Variants in GPATCH2L observed in about 807,000 individuals in gnomAD.
The protein encoded by GPATCH2L is G-patch domain containing 2 like, also known as G patch domain-containing protein 2-like.
A neutral mutation model predicts 57.4 loss-of-function variants in GPATCH2L; 31 were observed. The observed-to-expected ratio is 0.54, with a 90% CI of 0.41 to 0.73. The LOEUF is 0.73. Ranked by LOEUF, GPATCH2L falls within the 30% of genes least tolerant of loss-of-function variation. The pLI, the probability that GPATCH2L is intolerant of heterozygous loss-of-function variation, is 0.00. For synonymous variants in GPATCH2L, 199 were observed against 210.7 expected (o/e 0.94, Z 0.48); for missense variants, 481 against 599.9 (o/e 0.80, Z 2.07).
At chr14:76,184,200 T>A (rs1466835368) in intron 8 of GPATCH2L, among the ~76,000 whole-genome samples, 1 of 152,168 alleles carries the variant, frequency 6.6e-6, no homozygotes, top group African/African-American at 2.4e-5. Flanking sequence ...CCAGGCTGTT[T>A]TTCCTCTTCA....
intron 9 of GPATCH2L, among the ~76,000 whole-genome samples, chr14:76,199,312 T>TA (rs1645826696): frequency 6.6e-6 from 1 of 152,160 alleles, no homozygotes; most frequent in Admixed American, 6.5e-5. Context: ...TTAGCAGACA[T>TA]ATGTATCTTC....
In GPATCH2L at chr14:76,221,474, C is replaced by A. The variant is rs115827225; in HGVS notation, c.66-8334C>A. 7.9e-3 allele frequency among the ~76,000 whole-genome samples: 1,199 copies of A among 152,270 alleles called. 18 individuals are homozygous for A. The highest frequency in any genetic ancestry group is 0.027 in the African/African-American group (1,134 of 41,550). On this transcript the variant is annotated intron_variant and NMD_transcript_variant, in intron 1 of 3. Transcript: ENST00000556372. ...CAAAACTAAGCATGCTCTTACCATA[C>A]AATCTAGCAATGATGCTTCCTGGTA...
At chr14:76,223,440 A>G (rs889224479) in intron 1 of GPATCH2L, among the ~76,000 whole-genome samples, 4 of 151,958 alleles carry the variant, frequency 2.6e-5, no homozygotes, top group Admixed American at 2.0e-4. Flanking sequence ...CTAAAAACAT[A>G]TCAAAGACCT....
At chr14:76,179,020 C>T (rs1325105722) in intron 7 of GPATCH2L, 2 of 150,426 alleles carry the variant, frequency 1.3e-5, no homozygotes, top group Non-Finnish European at 2.9e-5. Context: ...TGAACACTGA[C>T]AGGTGAAAAG....
chr14:76,216,734 A>T (rs563322335), downstream of GPATCH2L, among the ~76,000 whole-genome samples: 124 of 152,258 alleles, frequency 8.1e-4, no homozygotes, highest in Non-Finnish European at 1.2e-3. Flanking sequence ...GCCCGAGGAA[A>T]ACCTTTTAAG....
At chr14:76,191,605 C>G (rs1252928284) in intron 8 of GPATCH2L, among the ~76,000 whole-genome samples, 1 of 152,074 alleles carries the variant, frequency 6.6e-6, no homozygotes, top group African/African-American at 2.4e-5. Flanking sequence ...CTTCTTTTCC[C>G]CAGGCTTGTT....
intron 2 of GPATCH2L, among the ~76,000 whole-genome samples, chr14:76,155,449 T>C (rs1358725975): frequency 6.6e-6 from 1 of 152,238 alleles, no homozygotes; most frequent in Non-Finnish European, 1.5e-5. Context: ...TTAAGTTGCC[T>C]GTCCTCATTA....
intron 4 of GPATCH2L, 58 bp downstream of exon 4, chr14:76,172,077 A>T: frequency 1.8e-6 from 2 of 1,101,318 alleles, no homozygotes; most frequent in South Asian, 3.4e-5. Context: ...GGGCAGAGCA[A>T]TCACCCCCTA....
At chr14:76,233,397 A>AT (rs1173965412) in intron 2 of GPATCH2L, among the ~76,000 whole-genome samples, 2 of 152,192 alleles carry the variant, frequency 1.3e-5, no homozygotes, top group East Asian at 3.8e-4. Flanking sequence ...AATGATTGTC[A>AT]TTTGCCTTTC....
In GPATCH2L at chr14:76,199,337, CCA is replaced by C. The variant is rs2040247178; in HGVS notation, c.1289-2353_1289-2352del. Among the ~76,000 whole-genome samples, 12 of 151,758 alleles carry C rather than the reference CCA, an allele frequency of 7.9e-5. No homozygotes were observed. The South Asian group carries it at 2.5e-3, about 32-fold the overall frequency. On this transcript the variant is annotated intron_variant, in intron 9 of 9. Transcript: ENST00000261530. ...TATGTATCTTCAAGCAATACATTGTCCAGTTTTGTGTTTTTGAACCTTGTGTA... is the reference window on the plus strand; with the variant it reads ...TATGTATCTTCAAGCAATACATTGTCGTTTTGTGTTTTTGAACCTTGTGTA...
chr14:76,197,255 TCA>T (rs2040181777), intron 9 of GPATCH2L, among the ~76,000 whole-genome samples: 1 of 152,184 alleles, frequency 6.6e-6, no homozygotes, highest in Non-Finnish European at 1.5e-5. Flanking sequence ...ACTCAGATCC[TCA>T]TTCAGTCTAT....
rs536403850 is a variant in GPATCH2L, at chr14:76,181,858, A to G, written c.1193+1009A>G. Reference sequence around the variant, plus strand: ...TTCTGATGACTCTTTTTTATTCCTAATAAGTTCTTAAATGGTTATGTTCAT... The same window carrying G: ...TTCTGATGACTCTTTTTTATTCCTAGTAAGTTCTTAAATGGTTATGTTCAT... On this transcript the variant is annotated intron_variant, in intron 8 of 9. Transcript: ENST00000261530. Among the ~76,000 whole-genome samples, 7 of 152,274 alleles carry G rather than the reference A, an allele frequency of 4.6e-5. No homozygotes were observed. The South Asian group carries it at 6.2e-4, about 14-fold the overall frequency.
chr14:76,186,142 T>TG (rs1209178038), intron 8 of GPATCH2L, among the ~76,000 whole-genome samples: 3 of 152,110 alleles, frequency 2.0e-5, no homozygotes, highest in Admixed American at 1.3e-4. Context: ...TTTAAAAACT[T>TG]TGAGTTGGCT....
intron 7 of GPATCH2L, among the ~76,000 whole-genome samples, chr14:76,180,551 G>A (rs1375867291): frequency 6.6e-6 from 1 of 152,122 alleles, no homozygotes; most frequent in Non-Finnish European, 1.5e-5. Flanking sequence ...TGTTTAATAA[G>A]GAATAGCTTT....
chr14:76,192,056 T>C (rs1327678605), intron 8 of GPATCH2L, among the ~76,000 whole-genome samples: 2 of 152,074 alleles, frequency 1.3e-5, no homozygotes, highest in Non-Finnish European at 2.9e-5. Context: ...GTTCCTGGCT[T>C]GTTTTCACTT....
chr14:76,170,895 T>C (rs1424263832), intron 3 of GPATCH2L, among the ~76,000 whole-genome samples: 4 of 152,200 alleles, frequency 2.6e-5, no homozygotes, highest in Non-Finnish European at 4.4e-5. Context: ...AAATTGACCT[T>C]GACTTCTCTA....
rs142932678 is a variant in GPATCH2L, at chr14:76,161,592, C to T, written c.663-5071C>T. 1.6e-3 allele frequency among the ~76,000 whole-genome samples: 250 copies of T among 152,242 alleles called. 4 individuals are homozygous for T. Among genetic ancestry groups the T allele is most frequent in the Non-Finnish European group, 2.0e-3 (139 of 68,002 alleles). ...AGGGTGTGCTGTGCTTTTTTCCCACCCCCTGCTCCCCCTGGCAATTTTGGG... is the reference window on the plus strand; with the variant it reads ...AGGGTGTGCTGTGCTTTTTTCCCACTCCCTGCTCCCCCTGGCAATTTTGGG... On this transcript the variant is annotated intron_variant, in intron 2 of 9. Coordinates refer to ENST00000261530, the MANE Select transcript of GPATCH2L (RefSeq NM_017926.4).
chr14:76,166,284 A>G (rs1281729679), intron 2 of GPATCH2L, among the ~76,000 whole-genome samples: 1 of 152,218 alleles, frequency 6.6e-6, no homozygotes, highest in Non-Finnish European at 1.5e-5. Flanking sequence ...AAAATTACAT[A>G]GCTTCATTTG....
intron 8 of GPATCH2L, among the ~76,000 whole-genome samples, chr14:76,182,506 A>T (rs1416575030): frequency 7.1e-6 from 1 of 141,806 alleles, no homozygotes; most frequent in Non-Finnish European, 1.5e-5. Flanking sequence ...GGATCACTTG[A>T]GCTCAGGAGG....
Sources: gnomAD v4.1 joint callset for allele counts (sites outside exome capture counted in the v4.1 genomes callset) on GRCh38, gnomAD v4.1.1 for gene constraint, MANE v1.5 for transcripts, NCBI Gene and HGNC (gene_info 2026-07-23, HGNC 2026-07-21) for gene names.